ABR: variants seen among roughly 807,000 people sequenced by gnomAD.
The protein encoded by ABR is active breakpoint cluster region-related protein.
ABR carries 35 observed loss-of-function variants against 107.2 expected under a neutral mutation model. The ratio of observed to expected loss-of-function variants is 0.33; its 90% CI spans 0.25 to 0.43. The LOEUF (loss-of-function observed/expected upper bound fraction) is 0.43, where lower values mean the gene tolerates loss of function less well. Ranked by LOEUF, ABR falls within the 20% of genes least tolerant of loss-of-function variation. The pLI, the probability that ABR is intolerant of heterozygous loss-of-function variation, is 1.00. For synonymous variants in ABR, 498 were observed against 462.0 expected, an observed-to-expected ratio of 1.08 and a Z score of -1.00; for missense variants, 815 against 1,115.2, an observed-to-expected ratio of 0.73 and a Z score of 3.83.
intron 10 of ABR, among the ~76,000 whole-genome samples, chr17:1,060,565 C>G (rs2033807420): frequency 6.6e-6 from 1 of 152,190 alleles, no homozygotes; most frequent in Non-Finnish European, 1.5e-5. Context: ...GAATACACCT[C>G]AAACTGTCAG....
Position 1,198,690 on chromosome 17 carries a change from T to C in ABR, c.838+30103A>G, listed in dbSNP as rs2042615001. Among the ~76,000 whole-genome samples the C allele has an allele frequency of 2.0e-5, 3 of 150,516 alleles. 1 individual carries two copies. Among genetic ancestry groups the C allele is most frequent in the Admixed American group, 6.6e-5 (1 of 15,116 alleles). On this transcript the variant is annotated intron_variant, in intron 1 of 22. Transcript: ENST00000574139. ...TCGCTCTGTTGCCCAGGCTGGAGTG[T>C]AGTGATGCCATCTCGGCTCACTGCA...
intron 1 of ABR, among the ~76,000 whole-genome samples, chr17:1,209,281 C>G (rs769470568): frequency 5.3e-5 from 8 of 149,626 alleles, no homozygotes; most frequent in Non-Finnish European, 7.4e-5. Flanking sequence ...CTGTTTGTTT[C>G]TTTCTTTTTT....
chr17:1,066,394 A>T (rs944508435), intron 10 of ABR, among the ~76,000 whole-genome samples: 5 of 152,182 alleles, frequency 3.3e-5, no homozygotes, highest in Non-Finnish European at 7.3e-5. Flanking sequence ...TGTGGCATTC[A>T]GGTCCTCTCT....
At chr17:1,063,585 G>A (rs1170860703) in intron 10 of ABR, among the ~76,000 whole-genome samples, 11 of 148,658 alleles carry the variant, frequency 7.4e-5, no homozygotes, top group African/African-American at 2.5e-4. Context: ...GGCTATGCAT[G>A]TTGCTCTAGA....
chr17:1,022,966 C>T (rs2586254), intron 16 of ABR, among the ~76,000 whole-genome samples: 51 of 152,372 alleles, frequency 3.3e-4, no homozygotes, highest in African/African-American at 1.2e-3. Flanking sequence ...CCTTCCCCAG[C>T]GTCCATTCTA....
chr17:1,099,741 C>A (rs2037738477), intron 3 of ABR, among the ~76,000 whole-genome samples: 1 of 152,226 alleles, frequency 6.6e-6, no homozygotes, highest in Admixed American at 6.5e-5. Flanking sequence ...CAATCAGACT[C>A]TCACAACGAT....
upstream of ABR, among the ~76,000 whole-genome samples, chr17:1,184,256 C>T (rs988156770): frequency 2.0e-5 from 3 of 151,984 alleles, no homozygotes; most frequent in Non-Finnish European, 4.4e-5. Flanking sequence ...GAGATCGAGA[C>T]GATCCTGGCT....
chr17:1,007,946 G>A (rs1339378383), intron 21 of ABR, among the ~76,000 whole-genome samples: 4 of 152,256 alleles, frequency 2.6e-5, no homozygotes, highest in Non-Finnish European at 5.9e-5. Flanking sequence ...TGCTGGGGCA[G>A]GAGCAGCCCT....
chr17:1,020,512 C>T (rs569809993), intron 16 of ABR, among the ~76,000 whole-genome samples: 1 of 152,348 alleles, frequency 6.6e-6, no homozygotes, highest in Non-Finnish European at 1.5e-5. Context: ...GCGGCGAAAA[C>T]CCAGCAGGCA....
intron 13 of ABR, 35 bp from the exon 14 acceptor site, chr17:1,056,144 G>A: frequency 1.3e-6 from 2 of 1,594,332 alleles, no homozygotes; most frequent in Non-Finnish European, 1.7e-6. Context: ...GCAGAGGGTG[G>A]TCAGCGGATC....
chr17:1,048,482 GCATCGTT>G (rs1354029250), intron 16 of ABR, among the ~76,000 whole-genome samples: 5 of 152,282 alleles, frequency 3.3e-5, no homozygotes, highest in African/African-American at 4.8e-5. Context: ...CTGCTAAAAA[GCATCGTT>G]CAGCTCCCTG....
intron 16 of ABR, among the ~76,000 whole-genome samples, chr17:1,040,674 T>A (rs537078397): frequency 3.5e-4 from 53 of 152,244 alleles, no homozygotes; most frequent in African/African-American, 1.3e-3. Context: ...GGGGACAGGG[T>A]GCCTGAACCC....
At chr17:1,129,053 C>T (rs896121037) in intron 1 of ABR, among the ~76,000 whole-genome samples, 2 of 152,224 alleles carry the variant, frequency 1.3e-5, no homozygotes, top group Admixed American at 6.5e-5. Context: ...CTGACGTCCC[C>T]GCTTCGGTGC....
At chr17:1,211,665 G>A (rs888291740) in intron 1 of ABR, among the ~76,000 whole-genome samples, 2 of 152,186 alleles carry the variant, frequency 1.3e-5, no homozygotes, top group Non-Finnish European at 2.9e-5. Context: ...AATCCTCACA[G>A]CTAGTAAGGG....
intron 5 of ABR, among the ~76,000 whole-genome samples, chr17:1,079,785 T>A (rs867476743): frequency 1.7e-5 from 1 of 59,228 alleles, no homozygotes; most frequent in Non-Finnish European, 2.8e-5. Context: ...CGAGACTCTG[T>A]CTCAAAAAAA....
intron 1 of ABR, among the ~76,000 whole-genome samples, chr17:1,127,662 G>A (rs1212431157): frequency 6.6e-6 from 1 of 152,196 alleles, no homozygotes; most frequent in African/African-American, 2.4e-5. Context: ...ATAAGCAATA[G>A]TGGACCGCGG....
chr17:1,171,892 T>C (rs1378630225), intron 1 of ABR, among the ~76,000 whole-genome samples: 1 of 152,130 alleles, frequency 6.6e-6, no homozygotes, highest in Admixed American at 6.5e-5. Flanking sequence ...ATCGCACCAC[T>C]GCACTCCAGC....
In ABR at chr17:1,084,197, C is replaced by T. The variant is rs76611409; in HGVS notation, c.532-570G>A. Among the ~76,000 whole-genome samples the T allele has an allele frequency of 2.0e-3, 304 of 152,192 alleles. 4 individuals are homozygous for T. The East Asian group carries it at 0.044, about 22-fold the overall frequency. On this transcript the variant is annotated intron_variant, in intron 4 of 22. Coordinates refer to ENST00000302538, the MANE Select transcript of ABR (RefSeq NM_021962.5). The surrounding 1 kb of genome is among the most constrained non-coding windows in gnomAD (Gnocchi z 4.2). Reference sequence around the variant, plus strand: ...TTCCAGACCAGCCTGGCCAACATGGCGAAACCCCGTCTCTACTAAAAATAC... The same window carrying T: ...TTCCAGACCAGCCTGGCCAACATGGTGAAACCCCGTCTCTACTAAAAATAC...
intron 2 of ABR, among the ~76,000 whole-genome samples, chr17:1,123,666 C>T (rs571393728): frequency 6.6e-6 from 1 of 152,324 alleles, no homozygotes; most frequent in South Asian, 2.1e-4. Flanking sequence ...TGCAGCTGCT[C>T]ACAGTGGGGT....
Sources: gnomAD v4.1 joint callset for allele counts (sites outside exome capture counted in the v4.1 genomes callset) on GRCh38, gnomAD v4.1.1 for gene constraint, Gnocchi (gnomAD v3.1) non-coding constraint, MANE v1.5 for transcripts, NCBI Gene and HGNC (gene_info 2026-07-23, HGNC 2026-07-21) for gene names.